The following VAC14 variants were observed in gnomAD, a reference collection of about 807,000 sequenced individuals.
VAC14 encodes the protein protein VAC14 homolog.
In VAC14, 47 loss-of-function variants were observed where a neutral mutation model predicts 85.3. The ratio of observed to expected loss-of-function variants is 0.55; its 90% CI spans 0.44 to 0.70. The LOEUF is 0.70. VAC14 is among the 30% of genes least tolerant of loss of function. The pLI is 0.00. For missense variants in VAC14, 861 were observed against 1,004.3 expected, an observed-to-expected ratio of 0.86 and a Z score of 1.93; for synonymous variants, 447 against 430.5, an observed-to-expected ratio of 1.04 and a Z score of -0.47.
intron 13 of VAC14, among the ~76,000 whole-genome samples, chr16:70,741,087 G>C (rs1024832209): frequency 6.6e-6 from 1 of 152,226 alleles, no homozygotes; most frequent in Non-Finnish European, 1.5e-5. Flanking sequence ...TTGTGCCTTC[G>C]GGGCAATCTC....
chr16:70,713,372 A>G (rs933081928), intron 14 of VAC14, among the ~76,000 whole-genome samples: 2 of 152,342 alleles, frequency 1.3e-5, no homozygotes, highest in Non-Finnish European at 2.9e-5. Flanking sequence ...AACGCTGACC[A>G]CAGTTCCGCC....
chr16:70,707,430 C>T (rs1430616393), intron 14 of VAC14, among the ~76,000 whole-genome samples: 1 of 152,092 alleles, frequency 6.6e-6, no homozygotes, highest in Non-Finnish European at 1.5e-5. Context: ...GGAGGAGGGG[C>T]ACAGGAAGAG....
At chr16:70,772,001 C>A (rs1416251991) in intron 10 of VAC14, 108 bp downstream of exon 10, 4 of 995,124 alleles carry the variant, frequency 4.0e-6, no homozygotes, top group Non-Finnish European at 6.2e-6. Context: ...CCAAAAGCAG[C>A]AGCCGCGAGT....
Position 70,688,001 on chromosome 16 carries a change from T to C in VAC14, c.2276A>G (p.Gln759Arg). ...GTGCCGCACTTCCAGGTGCTTGTTC[T>C]GGACCTTCTCAAAGTGCTGCAGCAG... ...AELLQHFEKVQNKHLEVRHQR... is the reference protein window; with the variant it reads ...AELLQHFEKVRNKHLEVRHQR... Residue 759 changes from glutamine (Q) to arginine (R), a missense_variant, in exon 19 of 19, where the codon CAG (glutamine) becomes CGG (arginine). By Grantham distance (43) the Gln-to-Arg change is conservative. Coordinates refer to ENST00000261776, the MANE Select transcript of VAC14 (RefSeq NM_018052.5). 2 of 1,606,890 alleles carry C rather than the reference T, an allele frequency of 1.2e-6. No individual in the cohort carries two copies. The highest frequency in any genetic ancestry group is 1.7e-4 in the Middle Eastern group (1 of 5,884).
chr16:70,705,353 C>T (rs2053901297), intron 14 of VAC14, among the ~76,000 whole-genome samples: 1 of 152,246 alleles, frequency 6.6e-6, no homozygotes, highest in African/African-American at 2.4e-5. Context: ...CCAGGAATGC[C>T]CTTCTGCCAG....
intron 3 of VAC14, 69 bp downstream of exon 3, chr16:70,785,633 G>A: frequency 6.7e-7 from 1 of 1,483,232 alleles, no homozygotes; most frequent in Non-Finnish European, 9.0e-7. Flanking sequence ...GGGGTCCAAG[G>A]TTCCAGAAGG....
intron 5 of VAC14, 52 bp downstream of exon 5, chr16:70,784,061 A>G: frequency 1.4e-6 from 2 of 1,469,030 alleles, no homozygotes; most frequent in Non-Finnish European, 1.9e-6. Flanking sequence ...TGTGCTAGAG[A>G]GCAGATTTTC....
chr16:70,690,552 G>C (rs1296151643), intron 18 of VAC14: 2 of 984,908 alleles, frequency 2.0e-6, no homozygotes, highest in Non-Finnish European at 2.4e-6. Flanking sequence ...CCAGAAGCCA[G>C]GGGGTGGGGG....
Position 70,783,540 on chromosome 16 carries a change from C to T in VAC14, c.609G>A (p.Glu203=), listed in dbSNP as rs758647867. The part of the protein sequence containing the change: ...QFIISWILVL[E]SVPDINLLDY... ...CCAGCAGGTTAATGTCTGGCACCGA[C>T]TCCAGAACCAGGATCTGACCAGGGG... Residue 203 remains glutamate (E), a synonymous_variant, in exon 6 of 19, where the codon GAG becomes GAA. Transcript: ENST00000261776. The T allele has an allele frequency of 1.9e-6, 3 of 1,613,852 alleles. No homozygotes were observed. Among genetic ancestry groups the T allele is most frequent in the Admixed American group, 3.3e-5 (2 of 60,032 alleles).
intron 12 of VAC14, among the ~76,000 whole-genome samples, chr16:70,752,100 G>C (rs1159716226): frequency 6.6e-6 from 1 of 152,182 alleles, no homozygotes; most frequent in Admixed American, 6.5e-5. Flanking sequence ...ATAAATCTTA[G>C]TTTGTGTTGC....
intron 9 of VAC14, among the ~76,000 whole-genome samples, chr16:70,777,991 G>A (rs2033607687): frequency 6.6e-6 from 1 of 152,206 alleles, no homozygotes; most frequent in Non-Finnish European, 1.5e-5. Flanking sequence ...TTAGTTACAA[G>A]CTAAGCAGGG....
chr16:70,742,311 C>T (rs957743231), intron 13 of VAC14, among the ~76,000 whole-genome samples: 1 of 152,196 alleles, frequency 6.6e-6, no homozygotes, highest in Non-Finnish European at 1.5e-5. Context: ...GTCTTCCGGT[C>T]AGTTCTTGCT....
At chr16:70,713,849 C>T (rs2054090761) in intron 14 of VAC14, 1 of 152,142 alleles carries the variant, frequency 6.6e-6, no homozygotes, top group Non-Finnish European at 1.5e-5. Context: ...AGCCTGTGGG[C>T]ATATATTTGA....
chr16:70,783,591 C>A (rs769358097), intron 5 of VAC14, 37 bp from the exon 6 acceptor site: 3 of 1,599,912 alleles, frequency 1.9e-6, no homozygotes, highest in African/African-American at 1.3e-5. Flanking sequence ...GAAGTCAGCT[C>A]CAGAACCCTG....
intron 18 of VAC14, chr16:70,688,383 G>A: frequency 2.8e-6 from 3 of 1,069,876 alleles, no homozygotes; most frequent in Non-Finnish European, 2.3e-6. Context: ...AGCATTTCCT[G>A]TTTACGAGTG....
At chr16:70,783,164 A>G (rs903450095) in intron 6 of VAC14, 25 bp from the exon 7 acceptor site, 4 of 1,609,030 alleles carry the variant, frequency 2.5e-6, no homozygotes, top group Middle Eastern at 1.7e-4. Flanking sequence ...AGGAAAGTGG[A>G]AACAGCGAGG....
chr16:70,744,831 C>G (rs765628044), intron 12 of VAC14, among the ~76,000 whole-genome samples: 1 of 152,192 alleles, frequency 6.6e-6, no homozygotes. Context: ...ATCTGAGGTT[C>G]GGAGAGTCAG....
chr16:70,717,166 T>C (rs112017133), intron 14 of VAC14, among the ~76,000 whole-genome samples: 2 of 152,344 alleles, frequency 1.3e-5, no homozygotes, highest in African/African-American at 4.8e-5. Context: ...ACCCGACCCT[T>C]TTCAGGGCAA....
At chr16:70,717,155 C>G (rs1242626537) in intron 14 of VAC14, among the ~76,000 whole-genome samples, 1 of 152,262 alleles carries the variant, frequency 6.6e-6, no homozygotes, top group East Asian at 1.9e-4. Context: ...TGAGGGTGGG[C>G]ACCCGACCCT....
Sources: allele counts gnomAD v4.1 joint callset (sites outside exome capture counted in the v4.1 genomes callset), GRCh38; gene constraint gnomAD v4.1.1; transcripts MANE v1.5; gene names NCBI Gene and HGNC (gene_info 2026-07-23, HGNC 2026-07-21).